Variants in TAP1 observed in about 807,000 individuals in gnomAD.
TAP1 encodes the protein transporter 1, ATP binding cassette subfamily B member.
In TAP1, 56 loss-of-function variants were observed where a neutral mutation model predicts 79.3. The ratio of observed to expected loss-of-function variants is 0.71; its 90% CI spans 0.57 to 0.88. The LOEUF is 0.88. Ranked by LOEUF, TAP1 falls within the 40% of genes least tolerant of loss-of-function variation. TAP1 has a pLI of 0.00. For missense variants in TAP1, 737 were observed against 936.3 expected, an observed-to-expected ratio of 0.79 and a Z score of 2.78; for synonymous variants, 355 against 401.4, an observed-to-expected ratio of 0.88 and a Z score of 1.38.
rs1221258890 is a variant in TAP1 at position 32,847,416 on chromosome 6, G to A, written c.1903+97C>T. 2.6e-6 allele frequency: 4 copies of A among 1,565,798 alleles called. No homozygotes were observed. The Admixed American group carries it at 6.7e-5, about 26-fold the overall frequency. The stretch of plus-strand genomic sequence containing the variant: ...CATGATCTTACAACTTCAAATTGAT[G>A]TCCATGAGTAAGGAGGAACTGAAGG... On this transcript the variant is annotated intron_variant, in intron 9 of 10. Transcript: ENST00000354258. This position sits in a 1 kb window ranked among gnomAD's most constrained non-coding sequence, Gnocchi z 4.7.
chr6:32,848,966 G>T, intron 6 of TAP1, 24 bp downstream of exon 6: 2 of 1,612,840 alleles, frequency 1.2e-6, no homozygotes, highest in Non-Finnish European at 1.7e-6. Context: ...ATCACACTGG[G>T]GAGTGAAGGT....
At chr6:32,846,167 C>T (rs1022256184) in intron 10 of TAP1, 11 of 317,746 alleles carry the variant, frequency 3.5e-5, no homozygotes, top group Non-Finnish European at 4.8e-5. Flanking sequence ...AAGGCTGCGC[C>T]ACTCAAAAGC....
rs1400615149 is a variant in TAP1, at chr6:32,847,209, A to G, written c.1904-5T>C. On this transcript the variant is annotated splice_polypyrimidine_tract_variant and splice_region_variant and intron_variant, in intron 9 of 10. Coordinates refer to ENST00000354258, the MANE Select transcript of TAP1 (RefSeq NM_000593.6). The surrounding 1 kb of genome is among the most constrained non-coding windows in gnomAD (Gnocchi z 4.7). ...GGCTCCCAGCCTCGTCTACCTCTGC[A>G]GAGCAAAGGGCCAAGATGAGAACGG... 1.2e-6 allele frequency: 2 copies of G among 1,611,358 alleles called. No individual in the cohort carries two copies. Among genetic ancestry groups the G allele is most frequent in the Non-Finnish European group, 1.7e-6 (2 of 1,180,020 alleles).
Position 32,851,133 on chromosome 6 carries a change from C to G in TAP1, c.861G>C (p.Arg287=). 1 of 1,612,894 alleles carries G rather than the reference C, an allele frequency of 6.2e-7. No individual in the cohort carries two copies. Among genetic ancestry groups the G allele is most frequent in the Non-Finnish European group, 8.5e-7 (1 of 1,180,010 alleles). Residue 287 remains arginine, a synonymous_variant, in exon 4 of 11, where the codon CGG becomes CGC. Transcript: ENST00000354258. The surrounding 1 kb of genome is among the most constrained non-coding windows in gnomAD (Gnocchi z 4.8). ...TCAGGGTGGACGTGTCCTCTGTTAC[C>G]CGAGACATGATGTTACCTGCAGGGT... The part of the protein sequence containing the change: ...QQNQTGNIMS[R]VTEDTSTLSD...
Position 32,851,279 on chromosome 6 carries a change from G to C in TAP1, c.845-130C>G, listed in dbSNP as rs981651457. 1 of 862,818 alleles carries C rather than the reference G, an allele frequency of 1.2e-6. No individual in the cohort carries two copies. The highest frequency in any genetic ancestry group is 1.9e-6 in the Non-Finnish European group (1 of 529,254). The allele number at this position is 862,818 out of a possible 1,614,324, so 53.4% of individuals were successfully genotyped here. A position where few individuals can be genotyped will look rare whatever the true frequency, so the allele number is the denominator to read the frequency against. ...GTTCTAAGGAGGCTGCAGGAAACAA[G>C]GTTAGGGTTCTCCAGAGGTCTGCAA... On this transcript the variant is annotated intron_variant, in intron 3 of 10. Coordinates refer to ENST00000354258, the MANE Select transcript of TAP1 (RefSeq NM_000593.6). This position sits in a 1 kb window ranked among gnomAD's most constrained non-coding sequence, Gnocchi z 4.8.
chr6:32,848,923 C>A (rs2071482), intron 6 of TAP1, 67 bp downstream of exon 6: 250,075 of 1,611,800 alleles, frequency 0.16, 20,578 homozygotes, highest in African/African-American at 0.26. Context: ...AATGGAAGGA[C>A]ATCACACAGA....
chr6:32,851,240 G>A lies in TAP1; in HGVS notation c.845-91C>T. 3 of 1,301,534 alleles carry A rather than the reference G, an allele frequency of 2.3e-6. No homozygotes were observed. Among genetic ancestry groups the A allele is most frequent in the Non-Finnish European group, 3.3e-6 (3 of 918,186 alleles). The allele number at this position is 1,301,534 out of a possible 1,614,324, so 80.6% of individuals were successfully genotyped here. A position where few individuals can be genotyped will look rare whatever the true frequency, so the allele number is the denominator to read the frequency against. ...AATGAGCCAGGATGCCAGGGTCAGG[G>A]GTGTCAACATGGGGTTCTAAGGAGG... is the stretch of plus-strand genomic sequence containing the variant. On this transcript the variant is annotated intron_variant, in intron 3 of 10. Coordinates refer to ENST00000354258, the MANE Select transcript of TAP1 (RefSeq NM_000593.6). This position sits in a 1 kb window ranked among gnomAD's most constrained non-coding sequence, Gnocchi z 4.8.
rs1043272691 is a variant in TAP1, at chr6:32,852,860, C to T, written c.598+179G>A. The T allele has an allele frequency of 9.0e-6, 13 of 1,438,486 alleles. No individual in the cohort carries two copies. In the African/African-American group the frequency reaches 1.7e-4, roughly 19 times the overall value. The allele number at this position is 1,438,486 out of a possible 1,614,324, so 89.1% of individuals were successfully genotyped here. On this transcript the variant is annotated intron_variant, in intron 1 of 10. Coordinates refer to ENST00000354258, the MANE Select transcript of TAP1 (RefSeq NM_000593.6). The surrounding 1 kb of genome is among the most constrained non-coding windows in gnomAD (Gnocchi z 4.8). ...CAGCAATGGAGCCCAGAACCTCTGG[C>T]CCCCGCCAGTCCAGTGCCGTTTCTT...
Position 32,850,971 on chromosome 6 carries a change from C to A in TAP1, c.1023G>T (p.Leu341=). The change falls in exon 4 of 11, where the codon CTG becomes CTT. Residue 341 remains leucine (L), a synonymous_variant. Coordinates refer to ENST00000354258, the MANE Select transcript of TAP1 (RefSeq NM_000593.6). This position sits in a 1 kb window ranked among gnomAD's most constrained non-coding sequence, Gnocchi z 5.5. ...GGTACCATTTTCCCACCTTCTTGGGCAGAAGGAAAAGCAGAGGCAGGGTGA... is the reference window on the plus strand; with the variant it reads ...GGTACCATTTTCCCACCTTCTTGGGAAGAAGGAAAAGCAGAGGCAGGGTGA... ...TLITLPLLFL[L]PKKVGKWYQL... 3 of 1,612,846 alleles carry A rather than the reference C, an allele frequency of 1.9e-6. No individual in the cohort carries two copies. The highest frequency in any genetic ancestry group is 2.5e-6 in the Non-Finnish European group (3 of 1,179,990).
Position 32,847,719 on chromosome 6 carries a change from G to C in TAP1, c.1741-44C>G. 1 of 1,607,502 alleles carries C rather than the reference G, an allele frequency of 6.2e-7. No homozygotes were observed. The highest frequency in any genetic ancestry group is 8.5e-7 in the Non-Finnish European group (1 of 1,175,044). ...AAGAGTCATAGAACAAGGCACATGG[G>C]AGTATGGTTATCTAGAGATCGAAGA... On this transcript the variant is annotated intron_variant, in intron 8 of 10. Coordinates refer to ENST00000354258, the MANE Select transcript of TAP1 (RefSeq NM_000593.6). This position sits in a 1 kb window ranked among gnomAD's most constrained non-coding sequence, Gnocchi z 4.7.
rs78410191 is a variant in TAP1 at position 32,853,199 on chromosome 6, C to T, written c.438G>A (p.Ala146=). ...GCCACAGGGCTGCTGCGGGCAGTGC[C>T]GCTGCATAACTGACAACGAAGGCGG... ...HPTAFVVSYA[A]ALPAAALWHK... Residue 146 remains alanine, a synonymous_variant, in exon 1 of 11, where the codon GCG becomes GCA. Coordinates refer to ENST00000354258, the MANE Select transcript of TAP1 (RefSeq NM_000593.6). This position sits in a 1 kb window ranked among gnomAD's most constrained non-coding sequence, Gnocchi z 8.3. The T allele has an allele frequency of 2.0e-3, 3,152 of 1,612,170 alleles. 57 individuals carry two copies. In the South Asian group the frequency reaches 0.024, roughly 12 times the overall value.
At position 32,852,828 on chromosome 6, in the gene TAP1, A is replaced by G. The variant is rs1269947595; in HGVS notation, c.598+211T>C. 4.2e-6 allele frequency: 6 copies of G among 1,439,824 alleles called. No individual in the cohort carries two copies. The highest frequency in any genetic ancestry group is 5.4e-6 in the Non-Finnish European group (6 of 1,104,936). 89.2% of individuals were successfully genotyped at this position (1,439,824 alleles called of 1,614,324 possible). ...TTCCGGCGTGGCCCAAAGAATCAAG[A>G]CCCGGTCAGCAATGGAGCCCAGAAC... On this transcript the variant is annotated intron_variant, in intron 1 of 10. Coordinates refer to ENST00000354258, the MANE Select transcript of TAP1 (RefSeq NM_000593.6). This position sits in a 1 kb window ranked among gnomAD's most constrained non-coding sequence, Gnocchi z 4.8.
chr6:32,851,242 T>A lies in TAP1; in HGVS notation c.845-93A>T, dbSNP rs772432973. 85 of 1,271,914 alleles carry A rather than the reference T, an allele frequency of 6.7e-5. No homozygotes were observed. Among genetic ancestry groups the A allele is most frequent in the Non-Finnish European group, 9.4e-5 (84 of 891,960 alleles). 78.8% of individuals were successfully genotyped at this position (1,271,914 alleles called of 1,614,324 possible). A position where few individuals can be genotyped will look rare whatever the true frequency, so the allele number is the denominator to read the frequency against. On this transcript the variant is annotated intron_variant, in intron 3 of 10. Coordinates refer to ENST00000354258, the MANE Select transcript of TAP1 (RefSeq NM_000593.6). This position sits in a 1 kb window ranked among gnomAD's most constrained non-coding sequence, Gnocchi z 4.8. ...TGAGCCAGGATGCCAGGGTCAGGGGTGTCAACATGGGGTTCTAAGGAGGCT... is the reference window on the plus strand; with the variant it reads ...TGAGCCAGGATGCCAGGGTCAGGGGAGTCAACATGGGGTTCTAAGGAGGCT...
rs763874589 is a variant in TAP1, at chr6:32,847,948, G to C, written c.1711C>G (p.Gln571Glu). Reference protein sequence around the residue: ...QLLLDGKPLPQYEHRYLHRQV... With the variant: ...QLLLDGKPLPEYEHRYLHRQV... ...CTGTGCAGGTAGCGGTGCTCATATT[G>C]GGGAAGGGGCTTCCCATCCAACAGC... The change falls in exon 8 of 11, where the codon CAA becomes GAA. Residue 571 changes from glutamine (Q) to glutamate (E), a missense_variant. Gln to Glu is a conservative substitution (Grantham distance 29). Around this residue, in one of 5 missense-constraint regions of TAP1, gnomAD observed 266 missense variants for 332.4 expected, o/e 0.80. Transcript: ENST00000354258. This position sits in a 1 kb window ranked among gnomAD's most constrained non-coding sequence, Gnocchi z 4.7. 12 of 1,612,978 alleles carry C rather than the reference G, an allele frequency of 7.4e-6. No homozygotes were observed. In the South Asian group the frequency reaches 1.3e-4, roughly 18 times the overall value.
chr6:32,847,396 T>C lies in TAP1; in HGVS notation c.1903+117A>G. The C allele has an allele frequency of 6.5e-7, 1 of 1,534,716 alleles. No homozygotes were observed. Among genetic ancestry groups the C allele is most frequent in the Non-Finnish European group, 9.0e-7 (1 of 1,111,132 alleles). On this transcript the variant is annotated intron_variant, in intron 9 of 10. Coordinates refer to ENST00000354258, the MANE Select transcript of TAP1 (RefSeq NM_000593.6). This position sits in a 1 kb window ranked among gnomAD's most constrained non-coding sequence, Gnocchi z 4.7. ...GGATGAAGAAGCCATAGGAGCATGA[T>C]CTTACAACTTCAAATTGATGTCCAT... is the stretch of plus-strand genomic sequence containing the variant.
Position 32,845,639 on chromosome 6 carries a change from G to C in TAP1, c.2187C>G (p.Leu729=). 6.2e-7 allele frequency: 1 copy of C among 1,613,042 alleles called. No homozygotes were observed. The highest frequency in any genetic ancestry group is 8.5e-7 in the Non-Finnish European group (1 of 1,180,018). ...CCCAGTAGCACCCCTTTTTCTCCAT[G>C]AGCTGCTGGTGGGTTCCCCCCTCCC... is the stretch of plus-strand genomic sequence containing the variant. ...AIREGGTHQQ[L]MEKKGCYWAM... is the part of the protein sequence containing the mutation. The change falls in exon 11 of 11, where the codon CTC becomes CTG. Residue 729 remains leucine, a synonymous_variant. Coordinates refer to ENST00000354258, the MANE Select transcript of TAP1 (RefSeq NM_000593.6). This position sits in a 1 kb window ranked among gnomAD's most constrained non-coding sequence, Gnocchi z 4.5.
At position 32,853,051 on chromosome 6, in the gene TAP1, G is replaced by A; in HGVS notation, c.586C>T (p.Leu196Phe). ...GCGTTCCCCTTACCAAGAGAGGAGA[G>A]GACCACCAGGACCAGGAACAGCGAG... is the stretch of plus-strand genomic sequence containing the variant. ...RLSLFLVLVV[L>F]SSLGEMAIPF... Residue 196 changes from leucine (L) to phenylalanine (F), a missense_variant, in exon 1 of 11, where the codon CTC (leucine) becomes TTC (phenylalanine). Leu to Phe is a conservative substitution (Grantham distance 22). This residue lies in a region of TAP1 where 406 missense variants were observed against 477.2 expected (regional missense o/e 0.85). Coordinates refer to ENST00000354258, the MANE Select transcript of TAP1 (RefSeq NM_000593.6). This position sits in a 1 kb window ranked among gnomAD's most constrained non-coding sequence, Gnocchi z 8.3. 1 of 1,612,366 alleles carries A rather than the reference G, an allele frequency of 6.2e-7. No individual in the cohort carries two copies. Among genetic ancestry groups the A allele is most frequent in the Non-Finnish European group, 8.5e-7 (1 of 1,179,998 alleles).
chr6:32,845,764 T>A lies in TAP1; in HGVS notation c.2062A>T (p.Ser688Cys). 6.2e-7 allele frequency: 1 copy of A among 1,612,398 alleles called. No individual in the cohort carries two copies. Among genetic ancestry groups the A allele is most frequent in the Non-Finnish European group, 8.5e-7 (1 of 1,179,982 alleles). ...ACTGAGCGGGAGTACCGCTCAGGGC[T>A]TTCGTACAGGAGCTGCTCCACCTGA... ...QLQVEQLLYE[S>C]PERYSRSVLL... The change falls in exon 11 of 11, where the codon AGC becomes TGC. Residue 688 changes from serine to cysteine, a missense_variant. Ser to Cys is a moderately radical substitution (Grantham distance 112). Around this residue, in one of 5 missense-constraint regions of TAP1, gnomAD observed 266 missense variants for 332.4 expected, o/e 0.80. Transcript: ENST00000354258. The surrounding 1 kb of genome is among the most constrained non-coding windows in gnomAD (Gnocchi z 4.5).
chr6:32,852,055 T>G lies in TAP1; in HGVS notation c.844+54A>C. ...CGGGGAGGGGGGAGATCAAAGCAGATGTATGAGGATATGAACAGTACATGG... is the reference window on the plus strand; with the variant it reads ...CGGGGAGGGGGGAGATCAAAGCAGAGGTATGAGGATATGAACAGTACATGG... On this transcript the variant is annotated intron_variant, in intron 3 of 10. Transcript: ENST00000354258. This position sits in a 1 kb window ranked among gnomAD's most constrained non-coding sequence, Gnocchi z 4.8. 2 of 1,611,358 alleles carry G rather than the reference T, an allele frequency of 1.2e-6. No homozygotes were observed. Among genetic ancestry groups the G allele is most frequent in the Non-Finnish European group, 1.7e-6 (2 of 1,179,152 alleles).
Sources: allele counts gnomAD v4.1 joint callset, GRCh38; gene constraint gnomAD v4.1.1; regional missense constraint gnomAD v4.1.1; non-coding constraint Gnocchi (gnomAD v3.1); transcripts MANE v1.5; gene names NCBI Gene and HGNC (gene_info 2026-07-23, HGNC 2026-07-21).